SUGCT: variants seen among roughly 807,000 people sequenced by gnomAD.
The protein encoded by SUGCT is succinyl-CoA:glutarate CoA-transferase.
Under a neutral mutation model 55.0 loss-of-function variants are expected in SUGCT, and 41 were observed. The observed-to-expected ratio is 0.74, with a 90% CI of 0.58 to 0.97. The LOEUF (loss-of-function observed/expected upper bound fraction) is 0.97. SUGCT is among the 50% of genes least tolerant of loss of function. The probability of loss-of-function intolerance (pLI) is 0.00; values close to 1 mark genes in which losing one functional copy is unlikely to be tolerated. For synonymous variants in SUGCT, 187 were observed against 200.4 expected (o/e 0.93, Z 0.56); for missense variants, 568 against 547.8 (o/e 1.04, Z -0.37).
chr7:40,534,314 T>C (rs1794243429), intron 12 of SUGCT, among the ~76,000 whole-genome samples: 1 of 152,232 alleles, frequency 6.6e-6, no homozygotes, highest in South Asian at 2.1e-4. Context: ...TCAGTAAGAA[T>C]TTGCTTTTCA....
At chr7:40,660,012 T>C (rs1161989455) in intron 12 of SUGCT, among the ~76,000 whole-genome samples, 2 of 152,180 alleles carry the variant, frequency 1.3e-5, no homozygotes, top group Non-Finnish European at 2.9e-5. Flanking sequence ...CCAACTTCCA[T>C]TATAAGACAC....
At chr7:40,548,306 A>G (rs991832536) in intron 12 of SUGCT, among the ~76,000 whole-genome samples, 2 of 150,528 alleles carry the variant, frequency 1.3e-5, no homozygotes, top group African/African-American at 4.9e-5. Context: ...CTCCCCGCTA[A>G]ACTGTCTGAA....
At chr7:40,176,379 T>C (rs1274987530) in intron 1 of SUGCT, among the ~76,000 whole-genome samples, 1 of 152,180 alleles carries the variant, frequency 6.6e-6, no homozygotes. Context: ...GGGGGCTGTA[T>C]AGCAGGAGAT....
chr7:40,214,724 G>C (rs910322597), intron 6 of SUGCT, among the ~76,000 whole-genome samples: 1 of 152,118 alleles, frequency 6.6e-6, no homozygotes, highest in Non-Finnish European at 1.5e-5. Context: ...GACCAGCCTG[G>C]ACAATATGGT....
intron 12 of SUGCT, among the ~76,000 whole-genome samples, chr7:40,535,428 A>G (rs1191351048): frequency 6.6e-6 from 1 of 152,200 alleles, no homozygotes; most frequent in Non-Finnish European, 1.5e-5. Context: ...CTGTTCCTTC[A>G]TTAATTGACA....
At chr7:40,617,396 A>AT in intron 12 of SUGCT, among the ~76,000 whole-genome samples, 1 of 152,158 alleles carries the variant, frequency 6.6e-6, no homozygotes, top group Middle Eastern at 3.4e-3. Context: ...CTTTTGACAT[A>AT]TTTTTGAAGA....
intron 12 of SUGCT, among the ~76,000 whole-genome samples, chr7:40,667,312 G>C (rs1248045098): frequency 6.6e-6 from 1 of 152,060 alleles, no homozygotes; most frequent in African/African-American, 2.4e-5. Context: ...CCTGATCATG[G>C]TGTATTAACT....
the SUGCT span, among the ~76,000 whole-genome samples, chr7:40,910,765 C>G: frequency 4.6e-5 from 7 of 152,180 alleles, no homozygotes; most frequent in African/African-American, 1.7e-4. Context: ...TACTATACCT[C>G]TCTATGACCA....
At chr7:40,958,774 A>C in the SUGCT span, among the ~76,000 whole-genome samples, 2 of 152,008 alleles carry the variant, frequency 1.3e-5, no homozygotes, top group Non-Finnish European at 2.9e-5. Context: ...GCCTTTTTGC[A>C]CTGGTTTTTC....
chr7:40,280,753 A>G (rs991231790), intron 8 of SUGCT, among the ~76,000 whole-genome samples: 2 of 152,160 alleles, frequency 1.3e-5, no homozygotes, highest in African/African-American at 4.8e-5. Context: ...TCATTTTTTT[A>G]AACAATTTTA....
At chr7:40,880,310 G>C in the SUGCT span, among the ~76,000 whole-genome samples, 9 of 152,152 alleles carry the variant, frequency 5.9e-5, no homozygotes, top group African/African-American at 1.7e-4. Context: ...TACTTCATAA[G>C]TTATGCTCTA....
At chr7:40,712,738 T>C (rs1228243170) in intron 12 of SUGCT, among the ~76,000 whole-genome samples, 1 of 152,248 alleles carries the variant, frequency 6.6e-6, no homozygotes, top group African/African-American at 2.4e-5. Context: ...GTCTCTTACC[T>C]GAGGCCACAG....
chr7:40,821,076 G>A lies in SUGCT; in HGVS notation c.1154-39240G>A, dbSNP rs965049348. On this transcript the variant is annotated intron_variant, in intron 13 of 13. Coordinates refer to ENST00000335693, the MANE Select transcript of SUGCT (RefSeq NM_001193313.2). ...TATGCTGGATTATGTTTATTGATTT[G>A]CATATGTTGAGCCAACCTTGCATCC... 2.6e-5 allele frequency among the ~76,000 whole-genome samples: 4 copies of A among 152,228 alleles called. No homozygotes were observed. The South Asian group carries it at 8.3e-4, about 32-fold the overall frequency.
intron 9 of SUGCT, among the ~76,000 whole-genome samples, chr7:40,369,091 G>A (rs1391039664): frequency 6.6e-6 from 1 of 150,836 alleles, no homozygotes; most frequent in Non-Finnish European, 1.5e-5. Flanking sequence ...GTAACAGAGC[G>A]AGACTCTATC....
At chr7:40,218,812 T>A (rs1787835212) in intron 6 of SUGCT, among the ~76,000 whole-genome samples, 1 of 152,106 alleles carries the variant, frequency 6.6e-6, no homozygotes, top group South Asian at 2.1e-4. Context: ...TCTGTAAAAA[T>A]GGACCAGTCA....
chr7:40,358,717 A>AAACAACAACAACAACAACAAC (rs71560193), intron 9 of SUGCT, among the ~76,000 whole-genome samples: 19 of 150,658 alleles, frequency 1.3e-4, no homozygotes, highest in African/African-American at 3.2e-4. Context: ...TCCATCTCAA[A>AAACAACAACAACAACAACAAC]AACAACAACA....
chr7:40,335,852 T>C (rs189453292), intron 9 of SUGCT, among the ~76,000 whole-genome samples: 1 of 152,338 alleles, frequency 6.6e-6, no homozygotes, highest in Admixed American at 6.5e-5. Flanking sequence ...GCTTCCAGTT[T>C]ATGCCCATTC....
At chr7:40,822,263 A>G (rs1024107279) in intron 13 of SUGCT, among the ~76,000 whole-genome samples, 1 of 152,050 alleles carries the variant, frequency 6.6e-6, no homozygotes, top group African/African-American at 2.4e-5. Context: ...GGAGAGTTCT[A>G]TAGATGTCTA....
chr7:40,840,964 T>C (rs1793249807), intron 13 of SUGCT, among the ~76,000 whole-genome samples: 1 of 126,286 alleles, frequency 7.9e-6, no homozygotes, highest in South Asian at 2.5e-4. Context: ...TTATAGTATA[T>C]GAAAATAGTC....
Sources: gnomAD v4.1 joint callset for allele counts (sites outside exome capture counted in the v4.1 genomes callset) on GRCh38, gnomAD v4.1.1 for gene constraint, MANE v1.5 for transcripts, NCBI Gene and HGNC (gene_info 2026-07-23, HGNC 2026-07-21) for gene names.